ZFAND2A: variants seen among roughly 807,000 people sequenced by gnomAD.
ZFAND2A encodes AN1-type zinc finger protein 2A.
In ZFAND2A, 20 loss-of-function variants were observed where a neutral mutation model predicts 11.6. That is an observed-to-expected ratio of 1.72 (90% CI 1.21 to 2.50). The LOEUF is 2.50. ZFAND2A is among the 30% of genes most tolerant of loss of function. ZFAND2A has a pLI of 0.00. For synonymous variants in ZFAND2A, 93 were observed against 60.6 expected, an observed-to-expected ratio of 1.54 and a Z score of -2.48; for missense variants, 234 against 182.9, an observed-to-expected ratio of 1.28 and a Z score of -1.61.
chr7:1,159,205 C>T (rs1793612437), intron 1 of ZFAND2A, among the ~76,000 whole-genome samples: 1 of 152,202 alleles, frequency 6.6e-6, no homozygotes, highest in Non-Finnish European at 1.5e-5. Context: ...TCCCGGTGCC[C>T]GACACACAGC....
chr7:1,157,216 G>C (rs1049171672), intron 3 of ZFAND2A: 1 of 153,214 alleles, frequency 6.5e-6, no homozygotes, highest in African/African-American at 2.4e-5. Flanking sequence ...CTATGTCAAG[G>C]CTGCAGTTAT....
intron 4 of ZFAND2A, among the ~76,000 whole-genome samples, chr7:1,153,810 T>C (rs1208051524): frequency 6.6e-6 from 1 of 152,114 alleles, no homozygotes; most frequent in Non-Finnish European, 1.5e-5. Flanking sequence ...CCAGGCATGG[T>C]GGCGTGGTGC....
In ZFAND2A at chr7:1,153,213, G is replaced by A. The variant is rs772440407; in HGVS notation, c.294C>T (p.Tyr98=). ...PGKKKEKIFT[Y]RCSKEGCKKK... ...TCTTGCAGCCCTCTTTTGAGCAACG[G>A]TATGTAAAAATCTAAGAGAGCAAAG... is the stretch of plus-strand genomic sequence containing the variant. Residue 98 remains tyrosine (Y), a synonymous_variant, in exon 5 of 5, where the codon TAC becomes TAT. Coordinates refer to ENST00000316495, the MANE Select transcript of ZFAND2A (RefSeq NM_182491.4). The A allele has an allele frequency of 1.2e-6, 2 of 1,612,866 alleles. No individual in the cohort carries two copies. Among genetic ancestry groups the A allele is most frequent in the South Asian group, 2.2e-5 (2 of 91,074 alleles).
At chr7:1,151,762 T>TAAAAG (rs1554344525), downstream of ZFAND2A, among the ~76,000 whole-genome samples, 4 of 87,172 alleles carry the variant, frequency 4.6e-5, 1 homozygote, top group East Asian at 2.5e-4. Context: ...TCATCCCTTT[T>TAAAAG]AAAAAAAAAA....
intron 1 of ZFAND2A, among the ~76,000 whole-genome samples, chr7:1,158,855 C>A (rs1051915136): frequency 6.6e-6 from 1 of 152,094 alleles, no homozygotes; most frequent in Non-Finnish European, 1.5e-5. Context: ...TCACGAGGTC[C>A]CCTCCATGAT....
At chr7:1,153,683 G>A (rs146486770) in intron 4 of ZFAND2A, among the ~76,000 whole-genome samples, 103 of 152,322 alleles carry the variant, frequency 6.8e-4, no homozygotes, top group East Asian at 4.4e-3. Context: ...AGTGGCTCAC[G>A]CCTGTCATCC....
At chr7:1,156,640 C>G (rs916988899) in intron 3 of ZFAND2A, among the ~76,000 whole-genome samples, 13 of 152,130 alleles carry the variant, frequency 8.5e-5, no homozygotes, top group Admixed American at 8.5e-4. Context: ...AAAACCTGAG[C>G]CAGGGCAGGA....
rs766378233 is a variant in ZFAND2A at position 1,153,015 on chromosome 7, G to C, written c.*54C>G. 1 of 1,608,982 alleles carries C rather than the reference G, an allele frequency of 6.2e-7. No homozygotes were observed. Among genetic ancestry groups the C allele is most frequent in the African/African-American group, 1.3e-5 (1 of 74,812 alleles). On this transcript the variant is annotated 3_prime_UTR_variant, in exon 5 of 5. Coordinates refer to ENST00000316495, the MANE Select transcript of ZFAND2A (RefSeq NM_182491.4). ...GGCTCCACTTCCCACTAGAGTGTAA[G>C]CTGCTTCCACGCATGCTACTGCGTG...
chr7:1,157,536 T>C (rs1032583889), intron 3 of ZFAND2A, 120 bp downstream of exon 3: 18 of 1,049,070 alleles, frequency 1.7e-5, no homozygotes, highest in Admixed American at 1.3e-4. Flanking sequence ...ACTGAAAAAC[T>C]GGATTTTAAA....
At position 1,152,991 on chromosome 7, in the gene ZFAND2A, G is replaced by GC; in HGVS notation, c.*77dup. 1.9e-6 allele frequency: 3 copies of GC among 1,576,550 alleles called. No individual in the cohort carries two copies. Among genetic ancestry groups the GC allele is most frequent in the Non-Finnish European group, 2.6e-6 (3 of 1,154,734 alleles). The stretch of plus-strand genomic sequence containing the variant: ...CCAGTGTGGGATGGTGCTCAATGGG[G>GC]CTCCACTTCCCACTAGAGTGTAAGC... On this transcript the variant is annotated 3_prime_UTR_variant, in exon 5 of 5. Coordinates refer to ENST00000316495, the MANE Select transcript of ZFAND2A (RefSeq NM_182491.4).
At position 1,157,795 on chromosome 7, in the gene ZFAND2A, A is replaced by AT. The variant is rs754338739; in HGVS notation, c.56-46dup. ...GAAGTGTTTTAACGACTGGAACAAAATACTTCCAGATAGTACTATCAAAGT... is the reference window on the plus strand; with the variant it reads ...GAAGTGTTTTAACGACTGGAACAAAATTACTTCCAGATAGTACTATCAAAGT... On this transcript the variant is annotated intron_variant, in intron 2 of 4. Transcript: ENST00000316495. 10 of 1,387,334 alleles carry AT rather than the reference A, an allele frequency of 7.2e-6. No homozygotes were observed. The African/African-American group carries it at 1.3e-4, about 18-fold the overall frequency. The allele number at this position is 1,387,334 out of a possible 1,614,324, so 85.9% of individuals were successfully genotyped here.
chr7:1,158,959 C>T lies in ZFAND2A; in HGVS notation c.-45-702G>A, dbSNP rs372353672. 7.9e-5 allele frequency among the ~76,000 whole-genome samples: 12 copies of T among 152,164 alleles called. No individual in the cohort carries two copies. The East Asian group carries it at 9.6e-4, about 12-fold the overall frequency. On this transcript the variant is annotated intron_variant, in intron 1 of 4. Coordinates refer to ENST00000316495, the MANE Select transcript of ZFAND2A (RefSeq NM_182491.4). ...AGCCCCTCCCGGGGCCTTTTCCTGA[C>T]CTTCCCATCAGCTCTCTCCCCACTC...
In ZFAND2A at chr7:1,155,512, C is replaced by G. The variant is rs1793502868; in HGVS notation, c.223G>C (p.Val75Leu). 1 of 1,613,974 alleles carries G rather than the reference C, an allele frequency of 6.2e-7. No homozygotes were observed. Among genetic ancestry groups the G allele is most frequent in the South Asian group, 1.1e-5 (1 of 91,056 alleles). ...TCTCTGTCAATGTGATCACCAACCA[C>G]CACGTCTGGTATCTGGCCCTTTTTT... ...PVKKGQIPDVVVGDHIDRDCD... is the reference protein window; with the variant it reads ...PVKKGQIPDVLVGDHIDRDCD... Residue 75 changes from valine to leucine, a missense_variant, in exon 4 of 5, where the codon GTG (valine) becomes CTG (leucine). By Grantham distance (32) the Val-to-Leu change is conservative. Coordinates refer to ENST00000316495, the MANE Select transcript of ZFAND2A (RefSeq NM_182491.4).
At chr7:1,156,700 G>A (rs927481482) in intron 3 of ZFAND2A, among the ~76,000 whole-genome samples, 2 of 152,246 alleles carry the variant, frequency 1.3e-5, no homozygotes, top group Non-Finnish European at 2.9e-5. Flanking sequence ...GACATGGAAC[G>A]GGTGGCAGGT....
downstream of ZFAND2A, chr7:1,152,379 A>G (rs770526954): frequency 1.1e-5 from 17 of 1,508,668 alleles, no homozygotes; most frequent in Non-Finnish European, 1.5e-5. Flanking sequence ...CTCAGCCTCC[A>G]TGTGCTGACC....
chr7:1,158,147 A>C lies in ZFAND2A; in HGVS notation c.55+11T>G, dbSNP rs1220337441. 1 of 1,613,014 alleles carries C rather than the reference A, an allele frequency of 6.2e-7. No homozygotes were observed. The highest frequency in any genetic ancestry group is 1.3e-5 in the African/African-American group (1 of 75,052). Reference sequence around the variant, plus strand: ...ATACCATTTTCTATTAAGTCTCTTAAAAGTACTCACCTAGCTGCTTGCAAG... The same window carrying C: ...ATACCATTTTCTATTAAGTCTCTTACAAGTACTCACCTAGCTGCTTGCAAG... On this transcript the variant is annotated intron_variant, in intron 2 of 4. Transcript: ENST00000316495.
At chr7:1,151,615 G>A (rs963742736), downstream of ZFAND2A, among the ~76,000 whole-genome samples, 3 of 151,954 alleles carry the variant, frequency 2.0e-5, no homozygotes, top group Non-Finnish European at 4.4e-5. Context: ...AAGATTAGCC[G>A]GGCATGGCAG....
chr7:1,155,569 C>G lies in ZFAND2A; in HGVS notation c.166G>C (p.Val56Leu). 1 of 1,613,122 alleles carries G rather than the reference C, an allele frequency of 6.2e-7. No individual in the cohort carries two copies. Among genetic ancestry groups the G allele is most frequent in the Non-Finnish European group, 8.5e-7 (1 of 1,179,614 alleles). ...FAFQKDVHVP[V>L]CPLCNTPIPV... ...ATGGGGGTATTACAGAGTGGGCATA[C>G]TGGGACGTGAACATCCTAAAAATAA... The change falls in exon 4 of 5, where the codon GTA becomes CTA. Residue 56 changes from valine (V) to leucine (L), a missense_variant. Transcript: ENST00000316495.
downstream of ZFAND2A, chr7:1,152,385 T>C (rs1793415974): frequency 6.7e-7 from 1 of 1,493,550 alleles, no homozygotes; most frequent in Non-Finnish European, 9.0e-7. Context: ...CTCCATGTGC[T>C]GACCGCAAGA....
Sources: gnomAD v4.1 joint callset for allele counts (sites outside exome capture counted in the v4.1 genomes callset) on GRCh38, gnomAD v4.1.1 for gene constraint, MANE v1.5 for transcripts, NCBI Gene and HGNC (gene_info 2026-07-23, HGNC 2026-07-21) for gene names.